The following SHISA6 variants were observed in gnomAD, a reference collection of about 807,000 sequenced individuals.
SHISA6 encodes protein shisa-6.
SHISA6 carries 22 observed loss-of-function variants against 47.9 expected under a neutral mutation model. The ratio of observed to expected loss-of-function variants is 0.46; its 90% CI spans 0.33 to 0.66. The LOEUF (loss-of-function observed/expected upper bound fraction) is 0.66, where lower values mean the gene tolerates loss of function less well. Among genes scored for constraint, SHISA6 ranks in the 30% least tolerant of loss-of-function variants. SHISA6 has a pLI of 0.02. For missense variants in SHISA6, 680 were observed against 764.6 expected, an observed-to-expected ratio of 0.89 and a Z score of 1.30; for synonymous variants, 388 against 337.8, an observed-to-expected ratio of 1.15 and a Z score of -1.63.
chr17:11,303,159 G>A (rs1567566232), intron 2 of SHISA6, among the ~76,000 whole-genome samples: 1 of 152,092 alleles, frequency 6.6e-6, no homozygotes, highest in Non-Finnish European at 1.5e-5. Context: ...GATTTTGTGT[G>A]TGATTACCAG....
intron 2 of SHISA6, among the ~76,000 whole-genome samples, chr17:11,336,123 T>A (rs1911311430): frequency 6.6e-6 from 1 of 151,836 alleles, no homozygotes; most frequent in Non-Finnish European, 1.5e-5. Flanking sequence ...GCAGGAGAAT[T>A]GCTTCAACCT....
intron 3 of SHISA6, among the ~76,000 whole-genome samples, chr17:11,523,432 T>C (rs558005470): frequency 2.0e-5 from 3 of 152,146 alleles, no homozygotes; most frequent in Admixed American, 2.0e-4. Context: ...TGTCTCTCTG[T>C]GAGCCAGGGA....
At chr17:11,441,886 G>C (rs1273981783) in intron 3 of SHISA6, among the ~76,000 whole-genome samples, 1 of 152,144 alleles carries the variant, frequency 6.6e-6, no homozygotes, top group Non-Finnish European at 1.5e-5. Context: ...TGAGCAGTGA[G>C]CAGCTCTGCA....
At chr17:11,456,699 G>A (rs555677167) in intron 3 of SHISA6, among the ~76,000 whole-genome samples, 13 of 151,438 alleles carry the variant, frequency 8.6e-5, no homozygotes, top group African/African-American at 3.1e-4. Context: ...CCTCACCAGG[G>A]CTGGACCGCC....
At chr17:11,375,608 C>A (rs1223139454) in intron 2 of SHISA6, among the ~76,000 whole-genome samples, 1 of 152,152 alleles carries the variant, frequency 6.6e-6, no homozygotes, top group Non-Finnish European at 1.5e-5. Flanking sequence ...CCTCCACTTG[C>A]TTTCTTATCA....
intron 3 of SHISA6, among the ~76,000 whole-genome samples, chr17:11,423,326 T>TATATATAGATAG (rs368074259): frequency 3.5e-5 from 5 of 142,678 alleles, no homozygotes; most frequent in South Asian, 2.2e-4. Flanking sequence ...GTAACATATA[T>TATATATAGATAG]ATAGATAGAT....
intron 2 of SHISA6, among the ~76,000 whole-genome samples, chr17:11,332,676 C>T (rs1911164529): frequency 1.3e-5 from 2 of 152,164 alleles, no homozygotes; most frequent in Admixed American, 6.5e-5. Context: ...AGCTGGGAGC[C>T]ACCTCCTGCA....
At chr17:11,518,993 C>A (rs1261603633) in intron 3 of SHISA6, among the ~76,000 whole-genome samples, 2 of 152,148 alleles carry the variant, frequency 1.3e-5, no homozygotes, top group African/African-American at 4.8e-5. Flanking sequence ...GAGCCATAGC[C>A]TCTCCCTTCT....
At chr17:11,381,672 A>G (rs1423254086) in intron 3 of SHISA6, among the ~76,000 whole-genome samples, 1 of 152,186 alleles carries the variant, frequency 6.6e-6, no homozygotes, top group East Asian at 1.9e-4. Context: ...CTTCCAAATG[A>G]ACTGGACTCC....
At chr17:11,453,103 C>T (rs531405316) in intron 3 of SHISA6, among the ~76,000 whole-genome samples, 42 of 152,252 alleles carry the variant, frequency 2.8e-4, no homozygotes, top group African/African-American at 9.4e-4. Context: ...GCCTTTCCTC[C>T]CCTCTTATAA....
chr17:11,433,677 A>T (rs1914854623), intron 3 of SHISA6, among the ~76,000 whole-genome samples: 1 of 152,192 alleles, frequency 6.6e-6, no homozygotes, highest in African/African-American at 2.4e-5. Flanking sequence ...AAAAGTTTAC[A>T]TTCAGAAAAC....
intron 3 of SHISA6, among the ~76,000 whole-genome samples, chr17:11,530,826 C>T (rs866827132): frequency 3.3e-5 from 5 of 152,154 alleles, no homozygotes; most frequent in Non-Finnish European, 7.3e-5. Context: ...TGTTTCAGAG[C>T]GAGGCAGCTG....
At chr17:11,282,779 C>A (rs1156792257) in intron 2 of SHISA6, among the ~76,000 whole-genome samples, 1 of 152,216 alleles carries the variant, frequency 6.6e-6, no homozygotes, top group African/African-American at 2.4e-5. Context: ...GAATAAGCAT[C>A]TGTCCAGCCC....
chr17:11,386,922 C>G (rs1913214617), intron 3 of SHISA6, among the ~76,000 whole-genome samples: 1 of 152,170 alleles, frequency 6.6e-6, no homozygotes, highest in Non-Finnish European at 1.5e-5. Flanking sequence ...CTAGGAAAAC[C>G]CTCAGTTTCT....
At chr17:11,283,299 A>G (rs1437587355) in intron 2 of SHISA6, among the ~76,000 whole-genome samples, 1 of 152,236 alleles carries the variant, frequency 6.6e-6, no homozygotes, top group African/African-American at 2.4e-5. Context: ...AGAAGAAGTA[A>G]TTGTTTCCAT....
At chr17:11,520,543 C>G (rs2071620993) in intron 3 of SHISA6, among the ~76,000 whole-genome samples, 1 of 152,138 alleles carries the variant, frequency 6.6e-6, no homozygotes, top group African/African-American at 2.4e-5. Flanking sequence ...CCTTCTTGCT[C>G]TAAGCTGTGA....
At chr17:11,307,680 T>C (rs1265180086) in intron 2 of SHISA6, among the ~76,000 whole-genome samples, 3 of 152,222 alleles carry the variant, frequency 2.0e-5, no homozygotes, top group African/African-American at 7.2e-5. Flanking sequence ...TTGAGCAGTG[T>C]GCATCATTCA....
chr17:11,502,986 A>T (rs2063495526), intron 3 of SHISA6, among the ~76,000 whole-genome samples: 1 of 152,174 alleles, frequency 6.6e-6, no homozygotes, highest in African/African-American at 2.4e-5. Flanking sequence ...GGGTAGAAGG[A>T]TGGTTGGAAA....
intron 3 of SHISA6, among the ~76,000 whole-genome samples, chr17:11,401,848 A>G (rs945050112): frequency 1.3e-5 from 2 of 152,156 alleles, no homozygotes; most frequent in East Asian, 1.9e-4. Context: ...TGTAGTCTCT[A>G]CATCAGGTCT....
Sources: allele counts gnomAD v4.1 joint callset (sites outside exome capture counted in the v4.1 genomes callset), GRCh38; gene constraint gnomAD v4.1.1; transcripts MANE v1.5; gene names NCBI Gene and HGNC (gene_info 2026-07-23, HGNC 2026-07-21).